CERT1: variants seen among roughly 807,000 people sequenced by gnomAD.
CERT1 encodes the protein ceramide transfer protein.
In CERT1, 31 loss-of-function variants were observed where a neutral mutation model predicts 87.9. The observed-to-expected ratio is 0.35, with a 90% confidence interval of 0.27 to 0.48. The LOEUF (loss-of-function observed/expected upper bound fraction) is 0.48, where lower values mean the gene tolerates loss of function less well. CERT1 is among the 20% of genes least tolerant of loss of function. The probability of loss-of-function intolerance (pLI) is 0.99; values close to 1 mark genes in which losing one functional copy is unlikely to be tolerated. For synonymous variants in CERT1, 289 were observed against 250.9 expected (o/e 1.15, Z -1.44); for missense variants, 487 against 758.0 (o/e 0.64, Z 4.20).
chr5:75,380,505 T>C (rs1361112618), intron 16 of CERT1, among the ~76,000 whole-genome samples: 2 of 152,104 alleles, frequency 1.3e-5, no homozygotes, highest in Non-Finnish European at 2.9e-5. Context: ...ATATGAAGGC[T>C]AGGTCGAGCG....
chr5:75,409,097 C>A (rs1307014680), intron 8 of CERT1, among the ~76,000 whole-genome samples: 3 of 151,880 alleles, frequency 2.0e-5, no homozygotes, highest in Non-Finnish European at 4.4e-5. Context: ...AATGAATATA[C>A]ATTTTATTTA....
chr5:75,435,045 T>C (rs1292736457), intron 3 of CERT1, among the ~76,000 whole-genome samples: 1 of 152,200 alleles, frequency 6.6e-6, no homozygotes, highest in African/African-American at 2.4e-5. Context: ...GTTTTTCTAG[T>C]TCATCATGGT....
chr5:75,471,513 C>G (rs1233639864), intron 2 of CERT1, among the ~76,000 whole-genome samples: 1 of 152,074 alleles, frequency 6.6e-6, no homozygotes, highest in African/African-American at 2.4e-5. Context: ...GTAATCCCAG[C>G]ATTTTGGGAG....
chr5:75,407,313 T>C (rs139808716), intron 8 of CERT1, among the ~76,000 whole-genome samples: 2 of 151,572 alleles, frequency 1.3e-5, no homozygotes, highest in African/African-American at 4.8e-5. Context: ...AATAAAAAAT[T>C]AGAAAATATG....
At chr5:75,449,031 A>G (rs116288165) in intron 3 of CERT1, among the ~76,000 whole-genome samples, 1 of 152,182 alleles carries the variant, frequency 6.6e-6, no homozygotes, top group African/African-American at 2.4e-5. Flanking sequence ...AAATCATAAA[A>G]TGCATTTTCA....
At chr5:75,427,383 G>A (rs1027659471) in intron 3 of CERT1, among the ~76,000 whole-genome samples, 1 of 152,186 alleles carries the variant, frequency 6.6e-6, no homozygotes, top group Admixed American at 6.5e-5. Flanking sequence ...TGGATCACTT[G>A]AGGTAAGGAG....
At chr5:75,448,865 C>T (rs531349406) in intron 3 of CERT1, among the ~76,000 whole-genome samples, 1 of 152,162 alleles carries the variant, frequency 6.6e-6, no homozygotes, top group African/African-American at 2.4e-5. Flanking sequence ...TCTAGATTAA[C>T]CTTTTTTTAT....
chr5:75,389,783 C>A, intron 11 of CERT1, 96 bp from the exon 12 acceptor site: 1 of 885,040 alleles, frequency 1.1e-6, no homozygotes, highest in Non-Finnish European at 1.8e-6. Context: ...AGAAATGGTG[C>A]TCTTAGTAGC....
chr5:75,464,630 G>C (rs1030865046), intron 2 of CERT1, among the ~76,000 whole-genome samples: 3 of 152,088 alleles, frequency 2.0e-5, no homozygotes, highest in Non-Finnish European at 4.4e-5. Flanking sequence ...ACCTAGGCTG[G>C]AGTGGTGCAA....
chr5:75,471,594 A>G (rs1458772260), intron 2 of CERT1, among the ~76,000 whole-genome samples: 1 of 151,884 alleles, frequency 6.6e-6, no homozygotes, highest in Non-Finnish European at 1.5e-5. Flanking sequence ...CCCCATCTCT[A>G]CTGAAAATAA....
In CERT1 at chr5:75,495,563, C is replaced by CAAAAAAAAAA. The variant is rs200532309; in HGVS notation, c.231+10409_231+10418dup. ...ACAGACTGAGACCCTATCTCACTTA[C>CAAAAAAAAAA]AAAAAAAAAAAGACAGAGGCCAAGC... On this transcript the variant is annotated intron_variant, in intron 2 of 16. Transcript: ENST00000643780. 9.0e-4 allele frequency among the ~76,000 whole-genome samples: 128 copies of CAAAAAAAAAA among 142,046 alleles called. 1 individual carries two copies. In the East Asian group the frequency reaches 0.022, roughly 25 times the overall value. 93.2% of individuals were successfully genotyped at this position (142,046 alleles called of 152,430 possible). A position where few individuals can be genotyped will look rare whatever the true frequency, so the allele number is the denominator to read the frequency against.
intron 2 of CERT1, among the ~76,000 whole-genome samples, chr5:75,484,444 CAG>C: frequency 6.7e-6 from 1 of 148,722 alleles, no homozygotes; most frequent in Admixed American, 6.7e-5. Context: ...AATCAAAAGA[CAG>C]AGTGACTGAA....
Position 75,456,452 on chromosome 5 carries a change from T to C in CERT1, c.348+2613A>G, listed in dbSNP as rs138726337. 9.3e-3 allele frequency among the ~76,000 whole-genome samples: 1,411 copies of C among 151,912 alleles called. 56 individuals are homozygous for C. The highest frequency in any genetic ancestry group is 0.078 in the Admixed American group (1,182 of 15,238). On this transcript the variant is annotated intron_variant, in intron 3 of 16. Coordinates refer to ENST00000643780, the MANE Select transcript of CERT1 (RefSeq NM_001379029.1). ...GGGAAGCTGGCATGGGCAGATCACT[T>C]GAGTTCAGGGGTTCAAGATCAGCCT... is the stretch of plus-strand genomic sequence containing the variant.
At chr5:75,402,051 A>G (rs145829226) in intron 9 of CERT1, 1 of 152,356 alleles carries the variant, frequency 6.6e-6, no homozygotes, top group East Asian at 1.9e-4. Flanking sequence ...CAAATTAAAG[A>G]AGACAAAGTA....
At chr5:75,511,782 G>A (rs778072737), upstream of CERT1, 10 of 1,551,406 alleles carry the variant, frequency 6.4e-6, no homozygotes, top group East Asian at 4.9e-5. Context: ...GGGTGACGAC[G>A]GGTAGAAAAG....
At chr5:75,403,207 G>A (rs560841561) in intron 8 of CERT1, 149 bp from the exon 9 acceptor site, 1 of 607,746 alleles carries the variant, frequency 1.6e-6, no homozygotes, top group African/African-American at 1.8e-5. Flanking sequence ...TAGATCATAT[G>A]CATGCTCTGT....
At chr5:75,503,579 T>A (rs1015539858) in intron 2 of CERT1, among the ~76,000 whole-genome samples, 1 of 151,994 alleles carries the variant, frequency 6.6e-6, no homozygotes, top group Admixed American at 6.5e-5. Context: ...TTCAATAATA[T>A]AAATGCTTGT....
At position 75,381,986 on chromosome 5, in the gene CERT1, A is replaced by G. The variant is rs1008004774; in HGVS notation, c.1580T>C (p.Ile527Thr). 2 of 1,613,786 alleles carry G rather than the reference A, an allele frequency of 1.2e-6. No individual in the cohort carries two copies. Among genetic ancestry groups the G allele is most frequent in the African/African-American group, 2.7e-5 (2 of 74,930 alleles). The change falls in exon 15 of 17, where the codon ATA becomes ACA. Residue 527 changes from isoleucine (I) to threonine (T), a missense_variant. This residue lies in a region of CERT1 where 147 missense variants were observed against 200.8 expected (regional missense o/e 0.73). Coordinates refer to ENST00000643780, the MANE Select transcript of CERT1 (RefSeq NM_001379029.1). ...ATGATCCACAGAAAAATTACAAACT[A>G]TCCAAGTTTCAGGGTCATTTTCAGT... ...ALTENDPETW[I>T]VCNFSVDHDS... is the part of the protein sequence containing the mutation.
chr5:75,400,718 CATT>C (rs1418578148), intron 9 of CERT1: 1 of 155,196 alleles, frequency 6.4e-6, no homozygotes, highest in East Asian at 1.9e-4. Flanking sequence ...GAAATAATAT[CATT>C]GTTTGCTTCA....
Sources: allele counts gnomAD v4.1 joint callset (sites outside exome capture counted in the v4.1 genomes callset), GRCh38; gene constraint gnomAD v4.1.1; regional missense constraint gnomAD v4.1.1; transcripts MANE v1.5; gene names NCBI Gene and HGNC (gene_info 2026-07-23, HGNC 2026-07-21).